The following GALNTL6 variants were observed in gnomAD, a reference collection of about 807,000 sequenced individuals.
The protein encoded by GALNTL6 is polypeptide N-acetylgalactosaminyltransferase-like 6.
A neutral mutation model predicts 73.7 loss-of-function variants in GALNTL6; 46 were observed. The observed-to-expected ratio is 0.62, with a 90% CI of 0.49 to 0.80. The LOEUF (loss-of-function observed/expected upper bound fraction) is 0.80. Ranked by LOEUF, GALNTL6 falls within the 30% of genes least tolerant of loss-of-function variation. The pLI, the probability that GALNTL6 is intolerant of heterozygous loss-of-function variation, is 0.00. For synonymous variants in GALNTL6, 259 were observed against 263.7 expected, an observed-to-expected ratio of 0.98 and a Z score of 0.17; for missense variants, 604 against 755.0, an observed-to-expected ratio of 0.80 and a Z score of 2.34.
At chr4:172,797,307 A>G (rs1480886396) in intron 5 of GALNTL6, among the ~76,000 whole-genome samples, 3 of 152,048 alleles carry the variant, frequency 2.0e-5, no homozygotes, top group Non-Finnish European at 1.5e-5. Flanking sequence ...GGTTGGCGCT[A>G]TGGATATCGG....
At chr4:172,537,912 C>T (rs1007968250) in intron 5 of GALNTL6, among the ~76,000 whole-genome samples, 2 of 152,060 alleles carry the variant, frequency 1.3e-5, no homozygotes, top group African/African-American at 4.8e-5. Flanking sequence ...CAGAATGCCT[C>T]AGCGAAACAC....
intron 5 of GALNTL6, among the ~76,000 whole-genome samples, chr4:172,626,438 T>A (rs1287316277): frequency 6.6e-6 from 1 of 152,116 alleles, no homozygotes; most frequent in African/African-American, 2.4e-5. Context: ...GGAAGTCTGG[T>A]AACATGATGT....
chr4:172,920,625 C>G lies in GALNTL6; in HGVS notation c.1042-10536C>G, dbSNP rs533345181. Among the ~76,000 whole-genome samples, 34 of 152,180 alleles carry G rather than the reference C, an allele frequency of 2.2e-4. No homozygotes were observed. In the South Asian group the frequency reaches 7.1e-3, roughly 32 times the overall value. The stretch of plus-strand genomic sequence containing the variant: ...AGAGTGCTGTATTTTTAACATCACT[C>G]ATTTCTTTAATTTATAATAAACAAC... On this transcript the variant is annotated intron_variant, in intron 8 of 12. Coordinates refer to ENST00000506823, the MANE Select transcript of GALNTL6 (RefSeq NM_001034845.3).
chr4:172,913,399 T>C (rs1454878637), intron 8 of GALNTL6, among the ~76,000 whole-genome samples: 3 of 152,084 alleles, frequency 2.0e-5, no homozygotes, highest in East Asian at 3.9e-4. Context: ...CTTTGATGAG[T>C]TGACAGAAGT....
rs554805766 is a variant in GALNTL6, at chr4:171,897,549, G to A, written c.138+82831G>A. ...TTAAAAAAATAAAAGGTGGCTGGGC[G>A]CTGTGGCTCGCGCCTGCAATCCCAG... On this transcript the variant is annotated intron_variant, in intron 2 of 12. Coordinates refer to ENST00000506823, the MANE Select transcript of GALNTL6 (RefSeq NM_001034845.3). 2.6e-5 allele frequency among the ~76,000 whole-genome samples: 4 copies of A among 152,238 alleles called. No individual in the cohort carries two copies. In the South Asian group the frequency reaches 8.3e-4, roughly 32 times the overall value.
intron 5 of GALNTL6, among the ~76,000 whole-genome samples, chr4:172,776,668 A>T (rs536408866): frequency 6.6e-6 from 1 of 152,328 alleles, no homozygotes; most frequent in East Asian, 1.9e-4. Flanking sequence ...TACACAGAGG[A>T]ATGCAGAAAA....
intron 4 of GALNTL6, among the ~76,000 whole-genome samples, chr4:172,318,687 A>G (rs1740652505): frequency 6.6e-6 from 1 of 151,674 alleles, no homozygotes; most frequent in African/African-American, 2.4e-5. Context: ...GGGCAATAAG[A>G]GCGAAACTCC....
At chr4:171,891,383 C>G (rs1310315379) in intron 2 of GALNTL6, among the ~76,000 whole-genome samples, 3 of 152,156 alleles carry the variant, frequency 2.0e-5, no homozygotes, top group Admixed American at 6.5e-5. Context: ...CCTGGCTATG[C>G]AGCCTTGAAG....
intron 2 of GALNTL6, among the ~76,000 whole-genome samples, chr4:171,947,606 T>C (rs922698699): frequency 6.6e-6 from 1 of 152,192 alleles, no homozygotes; most frequent in African/African-American, 2.4e-5. Context: ...GCTGCTTAAC[T>C]CACTGCCTAG....
At chr4:171,818,964 T>A (rs1221049033) in intron 2 of GALNTL6, among the ~76,000 whole-genome samples, 1 of 152,060 alleles carries the variant, frequency 6.6e-6, no homozygotes, top group Non-Finnish European at 1.5e-5. Flanking sequence ...AAATATCAGA[T>A]AATTGGTACC....
chr4:172,527,584 C>T (rs1378650537), intron 5 of GALNTL6, among the ~76,000 whole-genome samples: 1 of 152,212 alleles, frequency 6.6e-6, no homozygotes, highest in Non-Finnish European at 1.5e-5. Flanking sequence ...TGTCTGCCAA[C>T]ACATTATACC....
chr4:172,962,339 A>G (rs1293981070), intron 10 of GALNTL6, among the ~76,000 whole-genome samples: 1 of 152,226 alleles, frequency 6.6e-6, no homozygotes, highest in Non-Finnish European at 1.5e-5. Context: ...TGGTATATTT[A>G]ATCAAGCTAA....
chr4:172,583,628 G>A (rs565162224), intron 5 of GALNTL6, among the ~76,000 whole-genome samples: 4 of 152,176 alleles, frequency 2.6e-5, no homozygotes, highest in East Asian at 1.9e-4. Flanking sequence ...GCGGCTGGGC[G>A]AGGTGGCTCA....
At chr4:172,979,203 G>T (rs938515342) in intron 10 of GALNTL6, among the ~76,000 whole-genome samples, 2 of 152,158 alleles carry the variant, frequency 1.3e-5, no homozygotes, top group African/African-American at 4.8e-5. Context: ...AAAGCCAAAT[G>T]AATGCAGAAT....
chr4:171,817,170 A>G (rs910718813), intron 2 of GALNTL6, among the ~76,000 whole-genome samples: 3 of 152,186 alleles, frequency 2.0e-5, no homozygotes, highest in South Asian at 2.1e-4. Flanking sequence ...ACTGACAGCA[A>G]TAAGTACTGA....
At chr4:172,758,879 C>G (rs936508101) in intron 5 of GALNTL6, among the ~76,000 whole-genome samples, 1 of 152,200 alleles carries the variant, frequency 6.6e-6, no homozygotes, top group Admixed American at 6.5e-5. Flanking sequence ...CAGGCATCCA[C>G]TGGGATCTTG....
At chr4:172,661,663 C>T (rs1731385602) in intron 5 of GALNTL6, among the ~76,000 whole-genome samples, 1 of 152,162 alleles carries the variant, frequency 6.6e-6, no homozygotes, top group Non-Finnish European at 1.5e-5. Context: ...ATGGAGTGCT[C>T]ATGGCCAAAA....
intron 7 of GALNTL6, among the ~76,000 whole-genome samples, chr4:172,871,424 G>A (rs895861344): frequency 2.1e-5 from 2 of 97,374 alleles, no homozygotes; most frequent in African/African-American, 5.1e-5. Context: ...CCAGGAAATA[G>A]GCTCTTCAGA....
In GALNTL6 at chr4:172,034,395, C is replaced by CGTGTGTGTGTGT. The variant is rs1180185966; in HGVS notation, c.139-195258_139-195257insTGTGTGTGTGTG. 2.2e-4 allele frequency among the ~76,000 whole-genome samples: 31 copies of CGTGTGTGTGTGT among 139,690 alleles called. 1 individual carries two copies. Among genetic ancestry groups the CGTGTGTGTGTGT allele is most frequent in the African/African-American group, 6.7e-4 (25 of 37,382 alleles). 91.6% of individuals were successfully genotyped at this position (139,690 alleles called of 152,430 possible). On this transcript the variant is annotated intron_variant, in intron 2 of 12. Transcript: ENST00000506823. ...TCTATTCTTCCTTAAGGGGAGCGTG[C>CGTGTGTGTGTGT]GTGCGTGTGTGTGTGTGTGTGTGTG...
Sources: gnomAD v4.1 joint callset for allele counts (sites outside exome capture counted in the v4.1 genomes callset) on GRCh38, gnomAD v4.1.1 for gene constraint, MANE v1.5 for transcripts, NCBI Gene and HGNC (gene_info 2026-07-23, HGNC 2026-07-21) for gene names.